Variants in SNX29 observed in about 807,000 individuals in gnomAD.
SNX29 encodes sorting nexin-29.
SNX29 carries 78 observed loss-of-function variants against 102.1 expected under a neutral mutation model. The observed-to-expected ratio is 0.76, with a 90% CI of 0.64 to 0.92. The LOEUF (loss-of-function observed/expected upper bound fraction) is 0.92. Among genes scored for constraint, SNX29 ranks in the 40% least tolerant of loss-of-function variants. SNX29 has a pLI of 0.00. For missense variants in SNX29, 1,280 were observed against 1,061.7 expected, an observed-to-expected ratio of 1.21 and a Z score of -2.86; for synonymous variants, 580 against 414.5, an observed-to-expected ratio of 1.40 and a Z score of -4.85.
At chr16:12,370,897 C>G (rs1201874113) in intron 16 of SNX29, among the ~76,000 whole-genome samples, 1 of 152,120 alleles carries the variant, frequency 6.6e-6, no homozygotes, top group Non-Finnish European at 1.5e-5. Context: ...GATTTAGTTG[C>G]AAAAAGCCAA....
At chr16:12,471,988 C>G (rs1353863445) in intron 18 of SNX29, among the ~76,000 whole-genome samples, 2 of 152,212 alleles carry the variant, frequency 1.3e-5, no homozygotes. Flanking sequence ...AAGCCACACA[C>G]GCAAATGTTC....
intron 10 of SNX29, among the ~76,000 whole-genome samples, chr16:12,076,810 C>T (rs1195650824): frequency 6.6e-6 from 1 of 152,194 alleles, no homozygotes; most frequent in Non-Finnish European, 1.5e-5. Flanking sequence ...GTGGAACTTC[C>T]TGACTACCGT....
chr16:12,223,078 C>T (rs1318867148), intron 14 of SNX29, among the ~76,000 whole-genome samples: 1 of 152,156 alleles, frequency 6.6e-6, no homozygotes, highest in Admixed American at 6.5e-5. Flanking sequence ...ATCTGAAATG[C>T]GTTTCCTCAG....
chr16:12,005,096 G>A (rs1429578745), intron 3 of SNX29, among the ~76,000 whole-genome samples: 1 of 152,138 alleles, frequency 6.6e-6, no homozygotes, highest in South Asian at 2.1e-4. Flanking sequence ...AGGCAGAAAG[G>A]GTGTTTCTCC....
chr16:12,017,879 A>AT (rs1205170976), intron 3 of SNX29, among the ~76,000 whole-genome samples: 2 of 151,262 alleles, frequency 1.3e-5, no homozygotes, highest in African/African-American at 4.9e-5. Context: ...ATGTATTAGG[A>AT]TTTTTTTTGG....
At chr16:12,452,420 C>T (rs2086346076) in intron 18 of SNX29, among the ~76,000 whole-genome samples, 1 of 152,260 alleles carries the variant, frequency 6.6e-6, no homozygotes, top group Non-Finnish European at 1.5e-5. Context: ...TGCTCTGTGC[C>T]AGGGACTGTG....
At chr16:12,467,153 C>G (rs557890345) in intron 18 of SNX29, among the ~76,000 whole-genome samples, 1 of 152,296 alleles carries the variant, frequency 6.6e-6, no homozygotes, top group South Asian at 2.1e-4. Flanking sequence ...GGCTCAGACT[C>G]AGTAAGGGAG....
intron 20 of SNX29, among the ~76,000 whole-genome samples, chr16:12,562,772 G>T (rs760621710): frequency 1.3e-5 from 2 of 152,150 alleles, no homozygotes; most frequent in Non-Finnish European, 2.9e-5. Flanking sequence ...AAGGCTTGGA[G>T]TCCTTTAGCC....
intron 11 of SNX29, among the ~76,000 whole-genome samples, chr16:12,080,307 T>C (rs927270095): frequency 2.0e-5 from 3 of 152,202 alleles, no homozygotes; most frequent in African/African-American, 7.2e-5. Flanking sequence ...AAGCAGGAAG[T>C]GAGCAGACAC....
chr16:12,065,419 A>G (rs2050986506), intron 9 of SNX29, among the ~76,000 whole-genome samples: 1 of 152,216 alleles, frequency 6.6e-6, no homozygotes, highest in Admixed American at 6.5e-5. Flanking sequence ...TCATCCCTTC[A>G]TTGAGGGTCC....
intron 14 of SNX29, among the ~76,000 whole-genome samples, chr16:12,254,435 G>A (rs756679386): frequency 1.9e-4 from 29 of 152,202 alleles, no homozygotes; most frequent in Non-Finnish European, 3.4e-4. Flanking sequence ...AGATCACTTG[G>A]GGTCAGGAGT....
chr16:12,041,714 C>G (rs1156886775), intron 4 of SNX29, among the ~76,000 whole-genome samples: 1 of 152,162 alleles, frequency 6.6e-6, no homozygotes, highest in Non-Finnish European at 1.5e-5. Context: ...CTGCCTGCCT[C>G]TTATGAAGAT....
intron 20 of SNX29, among the ~76,000 whole-genome samples, chr16:12,549,147 G>A (rs1233047213): frequency 2.0e-5 from 3 of 151,886 alleles, no homozygotes; most frequent in African/African-American, 7.2e-5. Context: ...TTTTGATTTA[G>A]CAGTTATCAC....
chr16:12,002,634 C>T (rs998204544), intron 2 of SNX29, among the ~76,000 whole-genome samples: 1 of 152,184 alleles, frequency 6.6e-6, no homozygotes, highest in Admixed American at 6.5e-5. Flanking sequence ...TTGTAATTAT[C>T]GCCCGTGAAG....
chr16:12,364,135 G>C (rs968678255), intron 16 of SNX29, among the ~76,000 whole-genome samples: 7 of 150,910 alleles, frequency 4.6e-5, no homozygotes, highest in African/African-American at 1.5e-4. Flanking sequence ...TAGGACTACA[G>C]GTGTGCGCCA....
At chr16:12,552,931 C>T (rs994091867) in intron 20 of SNX29, among the ~76,000 whole-genome samples, 5 of 152,188 alleles carry the variant, frequency 3.3e-5, no homozygotes, top group Admixed American at 1.3e-4. Context: ...TTGCTCCTGG[C>T]CTTATATGCC....
At chr16:12,513,345 C>T (rs77630009) in intron 19 of SNX29, among the ~76,000 whole-genome samples, 47 of 149,620 alleles carry the variant, frequency 3.1e-4, no homozygotes, top group Middle Eastern at 3.4e-3. Flanking sequence ...CCTGCCCTGC[C>T]CTGCTCTCTT....
intron 15 of SNX29, among the ~76,000 whole-genome samples, chr16:12,286,247 A>G (rs1318273764): frequency 1.3e-5 from 2 of 151,958 alleles, no homozygotes; most frequent in Non-Finnish European, 2.9e-5. Context: ...AGTGTCTCCT[A>G]TATATCAGTG....
chr16:12,478,444 G>T (rs900861674), intron 19 of SNX29, among the ~76,000 whole-genome samples: 8 of 152,224 alleles, frequency 5.3e-5, no homozygotes, highest in African/African-American at 1.9e-4. Context: ...GAAGGTTAAT[G>T]ATTTATGATG....
Sources: allele counts gnomAD v4.1 joint callset (sites outside exome capture counted in the v4.1 genomes callset), GRCh38; gene constraint gnomAD v4.1.1; transcripts MANE v1.5; gene names NCBI Gene and HGNC (gene_info 2026-07-23, HGNC 2026-07-21).